The following PRELID2 variants were observed in gnomAD, a reference collection of about 807,000 sequenced individuals.
PRELID2 encodes PRELI domain containing 2.
A neutral mutation model predicts 28.4 loss-of-function variants in PRELID2; 25 were observed. The ratio of observed to expected loss-of-function variants is 0.88; its 90% CI spans 0.64 to 1.23. The LOEUF is 1.23. Ranked by LOEUF, PRELID2 falls within the 50% of genes most tolerant of loss-of-function variation. PRELID2 has a pLI of 0.00. For missense variants in PRELID2, 201 were observed against 214.4 expected (o/e 0.94, Z 0.39); for synonymous variants, 76 against 71.6 (o/e 1.06, Z -0.31).
At chr5:145,254,465 A>T in the PRELID2 span, among the ~76,000 whole-genome samples, 2 of 152,118 alleles carry the variant, frequency 1.3e-5, no homozygotes, top group Admixed American at 1.3e-4. Context: ...CTCCTGCCTC[A>T]TGGAAAAGAT....
chr5:145,643,997 G>A (rs1754153404), intron 1 of PRELID2, among the ~76,000 whole-genome samples: 1 of 152,178 alleles, frequency 6.6e-6, no homozygotes, highest in Admixed American at 6.5e-5. Flanking sequence ...GTCTCTGCCA[G>A]GTTTTGGTAT....
chr5:145,384,741 A>G, the PRELID2 span, among the ~76,000 whole-genome samples: 1 of 152,166 alleles, frequency 6.6e-6, no homozygotes, highest in Non-Finnish European at 1.5e-5. Context: ...AAGGTGAAGT[A>G]GGATTTTGCA....
At chr5:145,319,326 T>C in the PRELID2 span, among the ~76,000 whole-genome samples, 29 of 152,264 alleles carry the variant, frequency 1.9e-4, no homozygotes, top group African/African-American at 6.7e-4. Flanking sequence ...CCACCCCTCC[T>C]ATTCCCGAAT....
At chr5:145,478,799 C>T (rs748420326) in intron 1 of PRELID2, among the ~76,000 whole-genome samples, 6 of 152,158 alleles carry the variant, frequency 3.9e-5, no homozygotes, top group East Asian at 1.9e-4. Flanking sequence ...ATTTTACCCA[C>T]GCTGTCTTTT....
the PRELID2 span, among the ~76,000 whole-genome samples, chr5:145,260,840 T>A: frequency 6.6e-6 from 1 of 152,224 alleles, no homozygotes; most frequent in South Asian, 2.1e-4. Flanking sequence ...GGTGGATTGC[T>A]GCTGCAGGCT....
At chr5:145,298,515 G>A in the PRELID2 span, among the ~76,000 whole-genome samples, 1 of 152,230 alleles carries the variant, frequency 6.6e-6, no homozygotes, top group East Asian at 1.9e-4. Context: ...TTAAGAGGAG[G>A]GATTTTAAGA....
rs574803599 is a variant in PRELID2 at position 145,621,960 on chromosome 5, A to G, written n.70+142971T>C. ...CACTTTGTATTTCATAAATATGTAC[A>G]GTTATTACATGTCAACTAAAAGTAA... is the stretch of plus-strand genomic sequence containing the variant. On this transcript the variant is annotated intron_variant and non_coding_transcript_variant, in intron 1 of 2. Coordinates refer to the PRELID2 transcript ENST00000510259. Among the ~76,000 whole-genome samples, 15 of 152,272 alleles carry G rather than the reference A, an allele frequency of 9.9e-5. No homozygotes were observed. The East Asian group carries it at 2.7e-3, about 27-fold the overall frequency.
chr5:145,591,155 G>T (rs1394042426), intron 1 of PRELID2, among the ~76,000 whole-genome samples: 2 of 151,896 alleles, frequency 1.3e-5, no homozygotes, highest in Non-Finnish European at 2.9e-5. Context: ...TATTAGCTGG[G>T]CATGGTAGCG....
At chr5:145,683,382 G>A (rs1227602395) in intron 1 of PRELID2, among the ~76,000 whole-genome samples, 1 of 152,172 alleles carries the variant, frequency 6.6e-6, no homozygotes, top group Admixed American at 6.5e-5. Flanking sequence ...ATACTGGTGT[G>A]CTAGGGCTAC....
In PRELID2 at chr5:145,825,202, G is replaced by A. The variant is rs539424912; in HGVS notation, c.76-2068C>T. 2.1e-4 allele frequency among the ~76,000 whole-genome samples: 26 copies of A among 122,532 alleles called. 1 individual carries two copies. The highest frequency in any genetic ancestry group is 5.9e-4 in the African/African-American group (19 of 32,252). The allele number at this position is 122,532 out of a possible 152,430, so 80.4% of individuals were successfully genotyped here. ...GATCATGCCACTGCACTCCAGCCTCGGTGATAGAGTGAGACTCTGTCTCAA... is the reference window on the plus strand; with the variant it reads ...GATCATGCCACTGCACTCCAGCCTCAGTGATAGAGTGAGACTCTGTCTCAA... On this transcript the variant is annotated intron_variant, in intron 1 of 6. Coordinates refer to ENST00000683046, the MANE Select transcript of PRELID2 (RefSeq NM_205846.3).
At chr5:145,724,166 C>T (rs935466892) in intron 1 of PRELID2, among the ~76,000 whole-genome samples, 4 of 152,070 alleles carry the variant, frequency 2.6e-5, no homozygotes, top group Non-Finnish European at 4.4e-5. Context: ...TCGGCAGACT[C>T]GCCTTAACCA....
intron 1 of PRELID2, among the ~76,000 whole-genome samples, chr5:145,612,341 C>T (rs1025735844): frequency 6.6e-6 from 1 of 152,106 alleles, no homozygotes; most frequent in African/African-American, 2.4e-5. Flanking sequence ...AAAACACAAA[C>T]AACAAACCAC....
the PRELID2 span, among the ~76,000 whole-genome samples, chr5:145,250,895 A>G: frequency 6.6e-6 from 1 of 152,154 alleles, no homozygotes; most frequent in African/African-American, 2.4e-5. Context: ...AGTGCCTGGA[A>G]GAGCACAGAA....
At chr5:145,799,326 C>G (rs1468114515) in intron 4 of PRELID2, among the ~76,000 whole-genome samples, 1 of 151,788 alleles carries the variant, frequency 6.6e-6, no homozygotes, top group South Asian at 2.1e-4. Context: ...TAAACAAAAG[C>G]TAAGGCAGCT....
intron 1 of PRELID2, among the ~76,000 whole-genome samples, chr5:145,666,156 C>T (rs1159797703): frequency 6.6e-6 from 1 of 152,088 alleles, no homozygotes; most frequent in East Asian, 1.9e-4. Context: ...TGACTTAATT[C>T]TAAATGGTTG....
the PRELID2 span, among the ~76,000 whole-genome samples, chr5:145,440,253 G>A: frequency 6.6e-6 from 1 of 152,072 alleles, no homozygotes; most frequent in Non-Finnish European, 1.5e-5. Flanking sequence ...TTCCTGAGAG[G>A]ATAGAGCCTT....
chr5:145,407,626 C>T, the PRELID2 span, among the ~76,000 whole-genome samples: 1 of 152,170 alleles, frequency 6.6e-6, no homozygotes, highest in Non-Finnish European at 1.5e-5. Flanking sequence ...ATAGGGCAAA[C>T]CTAAATTCCC....
At chr5:145,593,336 T>C (rs1753257346) in intron 1 of PRELID2, among the ~76,000 whole-genome samples, 1 of 152,158 alleles carries the variant, frequency 6.6e-6, no homozygotes, top group East Asian at 1.9e-4. Context: ...TACAAGTCTG[T>C]GGTAGGAAAT....
intron 1 of PRELID2, among the ~76,000 whole-genome samples, chr5:145,508,760 G>A (rs1336522438): frequency 1.3e-5 from 2 of 152,014 alleles, no homozygotes; most frequent in African/African-American, 4.8e-5. Flanking sequence ...CTCAAATGAT[G>A]CAAGGCAAAG....
Sources: gnomAD v4.1 joint callset for allele counts (sites outside exome capture counted in the v4.1 genomes callset) on GRCh38, gnomAD v4.1.1 for gene constraint, MANE v1.5 for transcripts, NCBI Gene and HGNC (gene_info 2026-07-23, HGNC 2026-07-21) for gene names.